PTPRR: variants seen among roughly 807,000 people sequenced by gnomAD.
PTPRR encodes protein tyrosine phosphatase receptor type R.
In PTPRR, 38 loss-of-function variants were observed where a neutral mutation model predicts 77.2. The observed-to-expected ratio is 0.49, with a 90% confidence interval of 0.38 to 0.65. The LOEUF is 0.65. Among genes scored for constraint, PTPRR ranks in the 30% least tolerant of loss-of-function variants. PTPRR has a pLI of 0.00. For synonymous variants in PTPRR, 299 were observed against 283.1 expected (o/e 1.06, Z -0.57); for missense variants, 744 against 799.2 (o/e 0.93, Z 0.83).
intron 1 of PTPRR, among the ~76,000 whole-genome samples, chr12:70,895,326 A>T (rs1340941029): frequency 6.6e-6 from 1 of 151,688 alleles, no homozygotes; most frequent in Non-Finnish European, 1.5e-5. Context: ...TTCTTTTTAT[A>T]TATTATCAAT....
intron 3 of PTPRR, among the ~76,000 whole-genome samples, chr12:70,764,022 T>A (rs1890754218): frequency 1.3e-5 from 2 of 151,400 alleles, no homozygotes; most frequent in Non-Finnish European, 2.9e-5. Context: ...TTTTTTTTTT[T>A]TTTTTACTTT....
At chr12:70,874,310 T>C (rs1200000777) in intron 2 of PTPRR, among the ~76,000 whole-genome samples, 1 of 152,056 alleles carries the variant, frequency 6.6e-6, no homozygotes, top group Non-Finnish European at 1.5e-5. Flanking sequence ...AGTGGTGGCA[T>C]GGGCAAGGAG....
At chr12:70,841,980 C>T (rs1239580927) in intron 2 of PTPRR, among the ~76,000 whole-genome samples, 1 of 152,076 alleles carries the variant, frequency 6.6e-6, no homozygotes, top group Non-Finnish European at 1.5e-5. Context: ...GCACCAGGTC[C>T]CATATCTTCA....
chr12:70,732,143 G>T (rs944716790), intron 6 of PTPRR, among the ~76,000 whole-genome samples: 2 of 152,208 alleles, frequency 1.3e-5, no homozygotes, highest in African/African-American at 4.8e-5. Context: ...GTGGGCCTCT[G>T]CCATACTTTG....
chr12:70,733,266 T>C (rs1356175190), intron 6 of PTPRR, among the ~76,000 whole-genome samples: 1 of 151,402 alleles, frequency 6.6e-6, no homozygotes, highest in East Asian at 1.9e-4. Context: ...TGTTAGAAAG[T>C]ATATCATATT....
At chr12:70,886,686 A>T (rs1341719755) in intron 2 of PTPRR, among the ~76,000 whole-genome samples, 1 of 152,222 alleles carries the variant, frequency 6.6e-6, no homozygotes, top group East Asian at 1.9e-4. Flanking sequence ...GAGATCATAT[A>T]ATGGGTAATT....
intron 2 of PTPRR, among the ~76,000 whole-genome samples, chr12:70,843,110 T>C (rs1341732644): frequency 2.0e-5 from 3 of 152,200 alleles, no homozygotes; most frequent in Non-Finnish European, 4.4e-5. Context: ...GACAATTGTC[T>C]GTCTTTGTAT....
chr12:70,894,249 G>T (rs1893387475), intron 1 of PTPRR, among the ~76,000 whole-genome samples: 1 of 151,556 alleles, frequency 6.6e-6, no homozygotes, highest in African/African-American at 2.4e-5. Context: ...ACTTTATTTT[G>T]TTTTTCTTGC....
chr12:70,846,417 G>A (rs1473019999), intron 2 of PTPRR, among the ~76,000 whole-genome samples: 1 of 152,190 alleles, frequency 6.6e-6, no homozygotes, highest in Non-Finnish European at 1.5e-5. Flanking sequence ...CCTGGCATGG[G>A]TAGGCACTTA....
chr12:70,766,410 A>G (rs150650125), intron 2 of PTPRR, among the ~76,000 whole-genome samples: 3,510 of 152,282 alleles, frequency 0.023, 156 homozygotes, highest in African/African-American at 0.079. Flanking sequence ...AAGAAAGGGT[A>G]TCAGTGATGG....
At chr12:70,793,103 A>G (rs2137011694) in intron 2 of PTPRR, among the ~76,000 whole-genome samples, 1 of 152,338 alleles carries the variant, frequency 6.6e-6, no homozygotes, top group African/African-American at 2.4e-5. Context: ...TCATCATATC[A>G]ATTTGCAAGG....
chr12:70,815,948 C>T (rs1367595659), intron 2 of PTPRR, among the ~76,000 whole-genome samples: 4 of 152,072 alleles, frequency 2.6e-5, no homozygotes, highest in African/African-American at 9.7e-5. Flanking sequence ...TGTTTTTTCC[C>T]TATTTCCTTG....
intron 1 of PTPRR, among the ~76,000 whole-genome samples, chr12:70,894,123 A>G (rs1893385257): frequency 6.6e-6 from 1 of 151,874 alleles, no homozygotes; most frequent in Non-Finnish European, 1.5e-5. Flanking sequence ...TTTCACTGGA[A>G]ATGCTTGTGG....
At chr12:70,663,783 C>G (rs988264896) in intron 10 of PTPRR, among the ~76,000 whole-genome samples, 2 of 152,178 alleles carry the variant, frequency 1.3e-5, no homozygotes, top group African/African-American at 4.8e-5. Flanking sequence ...TTTCTCCCAA[C>G]CATACATACA....
chr12:70,870,155 C>G (rs1182368155), intron 2 of PTPRR, among the ~76,000 whole-genome samples: 1 of 152,168 alleles, frequency 6.6e-6, no homozygotes, highest in African/African-American at 2.4e-5. Flanking sequence ...GAGCCCAGGA[C>G]AGTAGCCATC....
At chr12:70,900,989 A>AT (rs1239057706) in intron 1 of PTPRR, among the ~76,000 whole-genome samples, 22 of 151,572 alleles carry the variant, frequency 1.5e-4, no homozygotes, top group African/African-American at 4.6e-4. Context: ...TGAATTTTGG[A>AT]TTTTTTTGGA....
At chr12:70,897,118 A>G (rs1016440746) in intron 1 of PTPRR, among the ~76,000 whole-genome samples, 1 of 152,004 alleles carries the variant, frequency 6.6e-6, no homozygotes, top group East Asian at 1.9e-4. Flanking sequence ...CTAAAACACC[A>G]AAAGCAATGG....
At chr12:70,875,552 T>A (rs1480086776) in intron 2 of PTPRR, among the ~76,000 whole-genome samples, 1 of 151,592 alleles carries the variant, frequency 6.6e-6, no homozygotes, top group Non-Finnish European at 1.5e-5. Context: ...GAAGTATACA[T>A]GCAGAAGTTT....
intron 2 of PTPRR, among the ~76,000 whole-genome samples, chr12:70,778,109 T>G (rs951041804): frequency 6.6e-6 from 1 of 152,240 alleles, no homozygotes; most frequent in Admixed American, 6.5e-5. Context: ...GTGCTCTATT[T>G]CCTGAGGCAT....
Sources: allele counts gnomAD v4.1 joint callset (sites outside exome capture counted in the v4.1 genomes callset), GRCh38; gene constraint gnomAD v4.1.1; transcripts MANE v1.5; gene names NCBI Gene and HGNC (gene_info 2026-07-23, HGNC 2026-07-21).